The following KCNH7 variants were observed in gnomAD, a reference collection of about 807,000 sequenced individuals.
KCNH7 encodes the protein voltage-gated inwardly rectifying potassium channel KCNH7.
A neutral mutation model predicts 120.8 loss-of-function variants in KCNH7; 49 were observed. The observed-to-expected ratio is 0.41, with a 90% CI of 0.32 to 0.51. The LOEUF is 0.51. Ranked by LOEUF, KCNH7 falls within the 20% of genes least tolerant of loss-of-function variation. The pLI is 0.38. For missense variants in KCNH7, 1,097 were observed against 1,446.6 expected (o/e 0.76, Z 3.92); for synonymous variants, 547 against 516.1 (o/e 1.06, Z -0.81).
chr2:162,799,721 A>C (rs1237087176), intron 2 of KCNH7, among the ~76,000 whole-genome samples: 1 of 152,016 alleles, frequency 6.6e-6, no homozygotes, highest in Non-Finnish European at 1.5e-5. Context: ...TTTGCAAATC[A>C]TAGCAAAACA....
At position 162,376,180 on chromosome 2, in the gene KCNH7, G is replaced by A. The variant is rs13412747; in HGVS notation, c.3132-2518C>T. 3.2e-3 allele frequency among the ~76,000 whole-genome samples: 482 copies of A among 152,196 alleles called. 2 individuals carry two copies. The highest frequency in any genetic ancestry group is 0.011 in the African/African-American group (461 of 41,526). On this transcript the variant is annotated intron_variant, in intron 14 of 15. Coordinates refer to ENST00000332142, the MANE Select transcript of KCNH7 (RefSeq NM_033272.4). ...AATAAATATGAAATCTGATTTCACAGTGCTAACAGGAACTAACCACTTAGG... is the reference window on the plus strand; with the variant it reads ...AATAAATATGAAATCTGATTTCACAATGCTAACAGGAACTAACCACTTAGG...
intron 2 of KCNH7, among the ~76,000 whole-genome samples, chr2:162,734,220 A>G (rs1376009169): frequency 6.6e-6 from 1 of 152,184 alleles, no homozygotes; most frequent in Non-Finnish European, 1.5e-5. Context: ...ATCACATGAT[A>G]AAATTTATTT....
intron 2 of KCNH7, among the ~76,000 whole-genome samples, chr2:162,573,929 C>T (rs893732068): frequency 2.0e-4 from 30 of 151,784 alleles, no homozygotes; most frequent in Admixed American, 1.8e-3. Flanking sequence ...CCTGTGAGGA[C>T]GGGTTGCTAT....
In KCNH7 at chr2:162,373,493, G is replaced by T. The variant is rs372533434; in HGVS notation, c.3301C>A (p.Arg1101=). The T allele has an allele frequency of 1.3e-6, 2 of 1,553,148 alleles. No homozygotes were observed. The highest frequency in any genetic ancestry group is 4.8e-5 in the East Asian group (2 of 41,420). The change falls in exon 15 of 16, where the codon CGA becomes AGA. Residue 1101 remains arginine (R), a synonymous_variant. Transcript: ENST00000332142. ...SQPEASIKTD[R]SFSPSSQCPE... is the part of the protein sequence containing the mutation. ...ACTTGTGAGGAAGGGCTGAAACTTC[G>T]GTCAGTTTTGATGGATGCTTCCGGT...
intron 6 of KCNH7, among the ~76,000 whole-genome samples, chr2:162,499,741 T>C (rs1690613925): frequency 6.6e-6 from 1 of 152,148 alleles, no homozygotes. Context: ...TCATTTAAGA[T>C]GCTACTATGT....
At chr2:162,569,779 C>T (rs1320600990) in intron 2 of KCNH7, among the ~76,000 whole-genome samples, 2 of 149,318 alleles carry the variant, frequency 1.3e-5, no homozygotes, top group East Asian at 2.0e-4. Flanking sequence ...GCCTTCATTT[C>T]GTTATGTACC....
chr2:162,498,482 CTG>C (rs990564447), intron 6 of KCNH7, among the ~76,000 whole-genome samples: 6 of 106,602 alleles, frequency 5.6e-5, no homozygotes, highest in Admixed American at 1.5e-4. Flanking sequence ...AATGTGGACT[CTG>C]TGTGTGTGGG....
chr2:162,651,203 A>G (rs544023051), intron 2 of KCNH7, among the ~76,000 whole-genome samples: 80 of 152,190 alleles, frequency 5.3e-4, no homozygotes, highest in Non-Finnish European at 1.6e-4. Context: ...TTTTTGAAAC[A>G]GGATTTAAAA....
At chr2:162,761,063 G>T (rs886982301) in intron 2 of KCNH7, among the ~76,000 whole-genome samples, 1 of 152,000 alleles carries the variant, frequency 6.6e-6, no homozygotes, top group Non-Finnish European at 1.5e-5. Context: ...AAATAAGCTT[G>T]TTTTTATAAT....
chr2:162,627,360 C>T (rs1683597300), intron 2 of KCNH7, among the ~76,000 whole-genome samples: 1 of 152,018 alleles, frequency 6.6e-6, no homozygotes, highest in Non-Finnish European at 1.5e-5. Flanking sequence ...CTTATCAATG[C>T]CATAGTTAAA....
chr2:162,524,282 G>A (rs1256122915), intron 3 of KCNH7, among the ~76,000 whole-genome samples: 1 of 152,002 alleles, frequency 6.6e-6, no homozygotes, highest in African/African-American at 2.4e-5. Flanking sequence ...AGGGTACCTG[G>A]CCTTTGCATC....
chr2:162,592,340 G>C (rs1264346401), intron 2 of KCNH7, among the ~76,000 whole-genome samples: 2 of 152,072 alleles, frequency 1.3e-5, no homozygotes, highest in Non-Finnish European at 2.9e-5. Context: ...GGCCACCAGA[G>C]TCAGAGAGAT....
chr2:162,833,010 G>A (rs1232971512), intron 2 of KCNH7, among the ~76,000 whole-genome samples: 1 of 136,628 alleles, frequency 7.3e-6, no homozygotes, highest in Non-Finnish European at 1.6e-5. Context: ...TGCTACCATA[G>A]TGTGTATGAA....
At chr2:162,591,107 T>C (rs2105933187) in intron 2 of KCNH7, among the ~76,000 whole-genome samples, 1 of 152,226 alleles carries the variant, frequency 6.6e-6, no homozygotes, top group South Asian at 2.1e-4. Flanking sequence ...CCTCTCCACC[T>C]GTAAGGCTCA....
intron 2 of KCNH7, among the ~76,000 whole-genome samples, chr2:162,575,618 G>A (rs1693642808): frequency 6.6e-6 from 1 of 151,990 alleles, no homozygotes; most frequent in South Asian, 2.1e-4. Context: ...ATTTCTACCA[G>A]CACCAACAGC....
intron 2 of KCNH7, among the ~76,000 whole-genome samples, chr2:162,706,758 G>C (rs956175421): frequency 6.6e-6 from 1 of 152,130 alleles, no homozygotes; most frequent in African/African-American, 2.4e-5. Flanking sequence ...CTGCCTGTAG[G>C]AGGGAAGAGG....
At chr2:162,552,647 T>A (rs1221503746) in intron 2 of KCNH7, among the ~76,000 whole-genome samples, 1 of 152,208 alleles carries the variant, frequency 6.6e-6, no homozygotes, top group Non-Finnish European at 1.5e-5. Flanking sequence ...CACAGGAGAC[T>A]TTTAAAAGCA....
Position 162,473,892 on chromosome 2 carries a change from T to A in KCNH7, c.1129-27449A>T, listed in dbSNP as rs1197713859. On this transcript the variant is annotated intron_variant, in intron 6 of 15. Coordinates refer to ENST00000332142, the MANE Select transcript of KCNH7 (RefSeq NM_033272.4). ...GGAAAACTTAACTCTCTGAATTGAG[T>A]TTTTATGAATAAATGAAAGCTCTTC... Among the ~76,000 whole-genome samples, 4 of 152,306 alleles carry A rather than the reference T, an allele frequency of 2.6e-5. No individual in the cohort carries two copies. The East Asian group carries it at 7.7e-4, about 29-fold the overall frequency.
intron 2 of KCNH7, among the ~76,000 whole-genome samples, chr2:162,683,115 CT>C (rs1166553689): frequency 6.6e-6 from 1 of 151,762 alleles, no homozygotes; most frequent in African/African-American, 2.4e-5. Context: ...AATGCTTTTA[CT>C]GCTAAATGAA....
Sources: gnomAD v4.1 joint callset for allele counts (sites outside exome capture counted in the v4.1 genomes callset) on GRCh38, gnomAD v4.1.1 for gene constraint, MANE v1.5 for transcripts, NCBI Gene and HGNC (gene_info 2026-07-23, HGNC 2026-07-21) for gene names.